Variants in TBX19 observed in about 807,000 individuals in gnomAD.
TBX19 encodes the protein T-box transcription factor TBX19.
TBX19 carries 33 observed loss-of-function variants against 40.9 expected under a neutral mutation model. The observed-to-expected ratio is 0.81, with a 90% CI of 0.61 to 1.08. TBX19 has a LOEUF of 1.08. Ranked by LOEUF, TBX19 falls within the 50% of genes least tolerant of loss-of-function variation. The pLI is 0.00. For missense variants in TBX19, 494 were observed against 574.0 expected (o/e 0.86, Z 1.42); for synonymous variants, 220 against 225.0 (o/e 0.98, Z 0.20).
chr1:168,300,323 A>G (rs915600725), intron 4 of TBX19, 99 bp from the exon 5 acceptor site: 1 of 1,111,964 alleles, frequency 9.0e-7, no homozygotes, highest in Non-Finnish European at 1.4e-6. Flanking sequence ...TTCTTATTCT[A>G]AGAAATTGAT....
chr1:168,287,142 TAAG>T (rs1183031606), intron 1 of TBX19, among the ~76,000 whole-genome samples: 2 of 152,206 alleles, frequency 1.3e-5, no homozygotes, highest in Non-Finnish European at 2.9e-5. Flanking sequence ...TTGAGAGAGT[TAAG>T]AGGAGGGCAC....
At chr1:168,287,468 A>C (rs76145201) in intron 1 of TBX19, among the ~76,000 whole-genome samples, 13,008 of 150,162 alleles carry the variant, frequency 0.087, 1,017 homozygotes, top group African/African-American at 0.21. Flanking sequence ...ATTTGAAATG[A>C]TTTTTTTTTT....
At position 168,283,183 on chromosome 1, in the gene TBX19, A is replaced by G. The variant is rs532857149; in HGVS notation, c.203+1890A>G. ...GACCCTGTCTTTAAAAAGCAAAATG[A>G]AATCCTTCATCTTTAACGTCATTTA... On this transcript the variant is annotated intron_variant, in intron 1 of 7. Coordinates refer to ENST00000367821, the MANE Select transcript of TBX19 (RefSeq NM_005149.3). Among the ~76,000 whole-genome samples the G allele has an allele frequency of 2.6e-5, 4 of 152,324 alleles. No individual in the cohort carries two copies. In the East Asian group the frequency reaches 7.7e-4, roughly 29 times the overall value.
chr1:168,291,558 C>G (rs753698811), intron 2 of TBX19, 134 bp downstream of exon 2: 9 of 1,265,798 alleles, frequency 7.1e-6, no homozygotes, highest in African/African-American at 3.0e-5. Context: ...CAATTATTCC[C>G]GGGAGTCCAA....
chr1:168,309,888 A>G (rs1451985101), intron 7 of TBX19, among the ~76,000 whole-genome samples: 1 of 152,236 alleles, frequency 6.6e-6, no homozygotes, highest in Non-Finnish European at 1.5e-5. Flanking sequence ...CATCAAATGC[A>G]GAAATGAGAA....
At position 168,298,800 on chromosome 1, in the gene TBX19, C is replaced by CCCTCCCTCCCT. The variant is rs1553289824; in HGVS notation, c.665+1017_665+1018insTCCCTCCCTCC. ...CCTTCCCTCCCTCCTCTCCTCTCCT[C>CCCTCCCTCCCT]CCCTCCCTCCCTCCCTCCCTTCCTT... On this transcript the variant is annotated intron_variant, in intron 4 of 7. Transcript: ENST00000367821. Among the ~76,000 whole-genome samples the CCCTCCCTCCCT allele has an allele frequency of 2.5e-3, 20 of 8,034 alleles. 1 individual carries two copies. Among genetic ancestry groups the CCCTCCCTCCCT allele is most frequent in the South Asian group, 6.0e-3 (1 of 166 alleles). 5.3% of individuals were successfully genotyped at this position (8,034 alleles called of 152,430 possible). A position where few individuals can be genotyped will look rare whatever the true frequency, so the allele number is the denominator to read the frequency against.
intron 7 of TBX19, among the ~76,000 whole-genome samples, chr1:168,309,607 G>A (rs901470026): frequency 6.6e-6 from 1 of 152,114 alleles, no homozygotes; most frequent in Non-Finnish European, 1.5e-5. Context: ...CTGGCCTCAC[G>A]ACCCTGGTAA....
intron 6 of TBX19, 65 bp downstream of exon 6, chr1:168,305,261 G>C: frequency 6.7e-7 from 1 of 1,499,858 alleles, no homozygotes; most frequent in Admixed American, 1.7e-5. Context: ...AGGAGAAATG[G>C]ATAAACAGCT....
intron 6 of TBX19, chr1:168,308,160 A>G (rs552063790): frequency 1.4e-5 from 2 of 142,258 alleles, no homozygotes; most frequent in African/African-American, 5.3e-5. Context: ...TTTTTTTTTA[A>G]TTGTAGAGAT....
chr1:168,291,283 G>A lies in TBX19; in HGVS notation c.327G>A (p.Val109=), dbSNP rs201089616. ...GGAAGTACGTCAACGGGGAATGGGT[G>A]CCCGCTGGCAAGCCAGAGGTCTCCA... The part of the protein sequence containing the change: ...HRWKYVNGEW[V]PAGKPEVSSH... The change falls in exon 2 of 8, where the codon GTG becomes GTA. Residue 109 remains valine, a synonymous_variant. Transcript: ENST00000367821. 8.1e-6 allele frequency: 13 copies of A among 1,614,184 alleles called. No individual in the cohort carries two copies. The African/African-American group carries it at 1.5e-4, about 18-fold the overall frequency.
chr1:168,298,824 T>TTCCC (rs1491298468), intron 4 of TBX19, among the ~76,000 whole-genome samples: 1 of 13,344 alleles, frequency 7.5e-5, no homozygotes, highest in South Asian at 4.2e-3. Context: ...CCTCCCTTCC[T>TTCCC]TTCTTTCTTT....
chr1:168,293,869 A>T (rs1265065275), intron 3 of TBX19, among the ~76,000 whole-genome samples: 1 of 152,136 alleles, frequency 6.6e-6, no homozygotes, highest in Non-Finnish European at 1.5e-5. Flanking sequence ...AATCAGAAGA[A>T]CCCAGGGAGG....
intron 5 of TBX19, among the ~76,000 whole-genome samples, chr1:168,303,464 G>A (rs1649326497): frequency 6.6e-6 from 1 of 152,126 alleles, no homozygotes; most frequent in African/African-American, 2.4e-5. Context: ...CACCTGATAG[G>A]TTCTTCCTGC....
At chr1:168,308,194 G>A (rs1237506337) in intron 6 of TBX19, 1 of 156,016 alleles carries the variant, frequency 6.4e-6, no homozygotes, top group African/African-American at 2.4e-5. Flanking sequence ...GTTGCCCAGA[G>A]AGGTCTCAAA....
At chr1:168,282,047 C>T (rs539017503) in intron 1 of TBX19, among the ~76,000 whole-genome samples, 5 of 152,272 alleles carry the variant, frequency 3.3e-5, no homozygotes, top group Non-Finnish European at 4.4e-5. Flanking sequence ...GTAGAGGAGA[C>T]GCAAATATTT....
At chr1:168,295,851 G>A (rs1649091872) in intron 3 of TBX19, among the ~76,000 whole-genome samples, 1 of 152,192 alleles carries the variant, frequency 6.6e-6, no homozygotes, top group African/African-American at 2.4e-5. Context: ...TGTTGGTTTA[G>A]TTGGTGGTGT....
intron 7 of TBX19, among the ~76,000 whole-genome samples, chr1:168,312,458 C>G (rs1649548039): frequency 6.6e-6 from 1 of 152,216 alleles, no homozygotes; most frequent in Non-Finnish European, 1.5e-5. Context: ...TGTCTAAAAC[C>G]AAATAATTCG....
chr1:168,298,517 G>T (rs1649173121), intron 4 of TBX19, among the ~76,000 whole-genome samples: 1 of 152,120 alleles, frequency 6.6e-6, no homozygotes, highest in Non-Finnish European at 1.5e-5. Flanking sequence ...TTCCTCTGCT[G>T]AGAAAAGAAG....
At chr1:168,306,147 C>G (rs1649398675) in intron 6 of TBX19, among the ~76,000 whole-genome samples, 1 of 152,192 alleles carries the variant, frequency 6.6e-6, no homozygotes, top group African/African-American at 2.4e-5. Flanking sequence ...GTCCCTTAGC[C>G]TGCTATTCTT....
Sources: gnomAD v4.1 joint callset for allele counts (sites outside exome capture counted in the v4.1 genomes callset) on GRCh38, gnomAD v4.1.1 for gene constraint, MANE v1.5 for transcripts, NCBI Gene and HGNC (gene_info 2026-07-23, HGNC 2026-07-21) for gene names.